The following DENND2B variants were observed in gnomAD, a reference collection of about 807,000 sequenced individuals.
DENND2B encodes DENN domain containing 2B, also known as DENN domain-containing protein 2B.
Under a neutral mutation model 116.0 loss-of-function variants are expected in DENND2B, and 32 were observed. The ratio of observed to expected loss-of-function variants is 0.28; its 90% CI spans 0.21 to 0.37. The LOEUF is 0.37. Among genes scored for constraint, DENND2B ranks in the 10% least tolerant of loss-of-function variants. The probability of loss-of-function intolerance (pLI) is 1.00; values close to 1 mark genes in which losing one functional copy is unlikely to be tolerated. For synonymous variants in DENND2B, 588 were observed against 583.9 expected, an observed-to-expected ratio of 1.01 and a Z score of -0.10; for missense variants, 1,276 against 1,477.7, an observed-to-expected ratio of 0.86 and a Z score of 2.24.
At chr11:8,791,523 T>C (rs1403818202) in intron 1 of DENND2B, among the ~76,000 whole-genome samples, 1 of 152,120 alleles carries the variant, frequency 6.6e-6, no homozygotes, top group East Asian at 1.9e-4. Flanking sequence ...TCCCAGCAAT[T>C]TGGGAGGCCG....
chr11:8,718,686 G>T (rs936390471), intron 4 of DENND2B: 15 of 1,197,364 alleles, frequency 1.3e-5, no homozygotes, highest in Non-Finnish European at 1.6e-5. Context: ...CCAAAGGGTG[G>T]GGGTGAGGGG....
At chr11:8,729,300 G>A (rs2047674003) in intron 3 of DENND2B, among the ~76,000 whole-genome samples, 1 of 152,306 alleles carries the variant, frequency 6.6e-6, no homozygotes, top group Non-Finnish European at 1.5e-5. Flanking sequence ...TTACCGGGGA[G>A]ACAGCCCTTG....
chr11:8,714,582 C>T (rs779707826), intron 7 of DENND2B, 28 bp downstream of exon 7: 1 of 1,600,536 alleles, frequency 6.2e-7, no homozygotes, highest in Non-Finnish European at 8.6e-7. Context: ...CCCCAAACAG[C>T]TGAACCAGCT....
chr11:8,844,306 G>T (rs2062727799), intron 3 of DENND2B, among the ~76,000 whole-genome samples: 1 of 152,136 alleles, frequency 6.6e-6, no homozygotes, highest in Admixed American at 6.5e-5. Flanking sequence ...GAGGCTAGGT[G>T]GGAGGATGGC....
At chr11:8,717,667 C>T (rs947118277) in intron 5 of DENND2B, 74 bp downstream of exon 5, 19 of 1,464,332 alleles carry the variant, frequency 1.3e-5, no homozygotes, top group Non-Finnish European at 1.7e-5. Flanking sequence ...GAAGCTGGGC[C>T]CAAGTCTTGG....
intron 4 of DENND2B, among the ~76,000 whole-genome samples, chr11:8,819,788 G>A (rs1170493769): frequency 3.9e-5 from 6 of 152,244 alleles, no homozygotes; most frequent in African/African-American, 7.2e-5. Context: ...CTAAGGAGAC[G>A]CAGCAACTAA....
At chr11:8,718,096 A>AACCCCCCCCCCCCCCCCCCCCCCCCCCCC in intron 4 of DENND2B, 3 of 65,006 alleles carry the variant, frequency 4.6e-5, no homozygotes, top group Non-Finnish European at 8.6e-5. Context: ...AAGCAGACCC[A>AACCCCCCCCCCCCCCCCCCCCCCCCCCCC]CCCCCCCACC....
At chr11:8,825,683 A>G (rs7944416) in intron 4 of DENND2B, among the ~76,000 whole-genome samples, 2,605 of 152,154 alleles carry the variant, frequency 0.017, 74 homozygotes, top group African/African-American at 0.057. Context: ...CACAAACTGG[A>G]ACCATAGGTT....
intron 4 of DENND2B, among the ~76,000 whole-genome samples, chr11:8,827,814 C>T (rs575754870): frequency 2.6e-5 from 4 of 152,334 alleles, no homozygotes; most frequent in East Asian, 1.9e-4. Context: ...GACAGCTCAA[C>T]GACATCTGAC....
intron 2 of DENND2B, among the ~76,000 whole-genome samples, chr11:8,744,148 T>G (rs12574748): frequency 0.04 from 5,962 of 149,272 alleles, 294 homozygotes; most frequent in African/African-American, 0.12. Flanking sequence ...TTTTTTTTTT[T>G]GGGGGACAGA....
In DENND2B at chr11:8,750,726, C is replaced by A. The variant is rs1205053318; in HGVS notation, c.-25-1G>T. 6.2e-7 allele frequency: 1 copy of A among 1,613,996 alleles called. No individual in the cohort carries two copies. The highest frequency in any genetic ancestry group is 8.5e-7 in the Non-Finnish European group (1 of 1,179,904). ...TTCGGCTCTCTGCAAACCCAGAGCC[C>A]TGCAAAGACGACAATGCCGGTAAGC... On this transcript the variant is annotated splice_acceptor_variant, in intron 1 of 19. Coordinates refer to ENST00000313726, the MANE Select transcript of DENND2B (RefSeq NM_213618.2). LOFTEE classifies it low-confidence loss of function (5UTR_SPLICE).
chr11:8,820,192 T>C (rs1231421292), intron 4 of DENND2B, among the ~76,000 whole-genome samples: 1 of 152,226 alleles, frequency 6.6e-6, no homozygotes, highest in Non-Finnish European at 1.5e-5. Flanking sequence ...ATGTTCACTT[T>C]ATATTACTTG....
intron 4 of DENND2B, among the ~76,000 whole-genome samples, chr11:8,834,557 G>A (rs1489441179): frequency 6.6e-6 from 1 of 152,206 alleles, no homozygotes; most frequent in Non-Finnish European, 1.5e-5. Context: ...AAAGAAAAGA[G>A]CTTAGGCAAA....
At chr11:8,777,141 G>A (rs1360452047) in intron 1 of DENND2B, among the ~76,000 whole-genome samples, 1 of 152,132 alleles carries the variant, frequency 6.6e-6, no homozygotes, top group Non-Finnish European at 1.5e-5. Context: ...AGTAACAAAT[G>A]CCACGTGATA....
intron 1 of DENND2B, among the ~76,000 whole-genome samples, chr11:8,897,374 G>C (rs1384515863): frequency 6.6e-6 from 1 of 152,102 alleles, no homozygotes; most frequent in East Asian, 1.9e-4. Flanking sequence ...GGTATTTTGA[G>C]TTTTTGCAAT....
intron 3 of DENND2B, among the ~76,000 whole-genome samples, chr11:8,726,984 A>G (rs1338496819): frequency 6.6e-6 from 1 of 152,186 alleles, no homozygotes; most frequent in Non-Finnish European, 1.5e-5. Flanking sequence ...TCCTTTGGAC[A>G]ACCTTCCTCT....
chr11:8,864,397 A>G (rs987665755), intron 2 of DENND2B, among the ~76,000 whole-genome samples: 2 of 152,086 alleles, frequency 1.3e-5, no homozygotes, highest in Non-Finnish European at 2.9e-5. Flanking sequence ...CCCACCGTTT[A>G]GCTGGGACCA....
At chr11:8,751,229 G>A (rs2052402923) in intron 1 of DENND2B, among the ~76,000 whole-genome samples, 2 of 151,926 alleles carry the variant, frequency 1.3e-5, no homozygotes, top group African/African-American at 2.4e-5. Flanking sequence ...TAGTGGGGAG[G>A]TGGAGAACTT....
chr11:8,860,861 T>C (rs2063367368), intron 2 of DENND2B, among the ~76,000 whole-genome samples: 1 of 151,940 alleles, frequency 6.6e-6, no homozygotes, highest in Non-Finnish European at 1.5e-5. Context: ...TGAAACAGAA[T>C]AGAGAACCCA....
Sources: allele counts gnomAD v4.1 joint callset (sites outside exome capture counted in the v4.1 genomes callset), GRCh38; gene constraint gnomAD v4.1.1; transcripts MANE v1.5; gene names NCBI Gene and HGNC (gene_info 2026-07-23, HGNC 2026-07-21).